The following USH2A variants were observed in gnomAD, a reference collection of about 807,000 sequenced individuals.
USH2A encodes Usher syndrome 2A (autosomal recessive, mild).
Under a neutral mutation model 538.9 loss-of-function variants are expected in USH2A, and 443 were observed. That is an observed-to-expected ratio of 0.82 (90% CI 0.76 to 0.89). The LOEUF (loss-of-function observed/expected upper bound fraction) is 0.89, where lower values mean the gene tolerates loss of function less well. Among genes scored for constraint, USH2A ranks in the 40% least tolerant of loss-of-function variants. The probability of loss-of-function intolerance (pLI) is 0.00; values close to 1 mark genes in which losing one functional copy is unlikely to be tolerated. For synonymous variants in USH2A, 2,413 were observed against 2,273.5 expected, an observed-to-expected ratio of 1.06 and a Z score of -1.75; for missense variants, 6,633 against 6,324.8, an observed-to-expected ratio of 1.05 and a Z score of -1.65.
chr1:216,086,625 G>A, intron 24 of USH2A, 94 bp downstream of exon 24: 2 of 1,079,220 alleles, frequency 1.9e-6, no homozygotes, highest in Non-Finnish European at 2.8e-6. Flanking sequence ...ATAGCATGAG[G>A]TAGAACATAA....
chr1:215,768,623 T>C (rs368475846), intron 55 of USH2A, among the ~76,000 whole-genome samples: 4 of 152,146 alleles, frequency 2.6e-5, no homozygotes, highest in Admixed American at 6.5e-5. Flanking sequence ...AAGCCACATA[T>C]GTTTGATAAA....
intron 3 of USH2A, among the ~76,000 whole-genome samples, chr1:216,376,115 T>G (rs1477755668): frequency 2.6e-5 from 4 of 152,114 alleles, no homozygotes; most frequent in Non-Finnish European, 5.9e-5. Flanking sequence ...ATTGCCAAAA[T>G]GTGAAGCATA....
chr1:216,383,160 C>A (rs1355312704), intron 3 of USH2A, among the ~76,000 whole-genome samples: 2 of 152,046 alleles, frequency 1.3e-5, no homozygotes, highest in Admixed American at 6.5e-5. Context: ...TCTCAGATTT[C>A]TCTTCAGAAA....
chr1:215,970,474 T>A (rs1667465419), intron 36 of USH2A, 151 bp downstream of exon 36: 1 of 920,140 alleles, frequency 1.1e-6, no homozygotes, highest in East Asian at 2.6e-5. Context: ...TCTTAGTAAC[T>A]CTTAAATGAA....
intron 4 of USH2A, among the ~76,000 whole-genome samples, chr1:216,347,823 C>G (rs1386921592): frequency 1.3e-5 from 2 of 152,036 alleles, no homozygotes; most frequent in Non-Finnish European, 2.9e-5. Flanking sequence ...AGTTTAGAGT[C>G]AGCTATAGGA....
chr1:216,316,776 A>T (rs2037517803), intron 9 of USH2A, among the ~76,000 whole-genome samples: 1 of 152,142 alleles, frequency 6.6e-6, no homozygotes, highest in African/African-American at 2.4e-5. Flanking sequence ...TGTTGGCCAC[A>T]CATATGTCTT....
intron 21 of USH2A, among the ~76,000 whole-genome samples, chr1:216,104,517 C>T (rs1302100901): frequency 6.6e-6 from 1 of 152,102 alleles, no homozygotes; most frequent in East Asian, 1.9e-4. Context: ...AATAATGCCA[C>T]ATATGTACAA....
chr1:215,898,858 A>T (rs1206296481), intron 40 of USH2A, among the ~76,000 whole-genome samples: 8 of 152,176 alleles, frequency 5.3e-5, no homozygotes, highest in Non-Finnish European at 1.2e-4. Flanking sequence ...TGGTGAATTA[A>T]TGCTTTCTGG....
At chr1:215,676,032 G>A (rs1050431434) in intron 62 of USH2A, among the ~76,000 whole-genome samples, 4 of 151,956 alleles carry the variant, frequency 2.6e-5, no homozygotes, top group Non-Finnish European at 4.4e-5. Context: ...TACCTTCCAC[G>A]GCATTTGCTG....
At chr1:215,717,992 C>T (rs1300337095) in intron 61 of USH2A, among the ~76,000 whole-genome samples, 1 of 152,088 alleles carries the variant, frequency 6.6e-6, no homozygotes, top group Non-Finnish European at 1.5e-5. Context: ...TATGTGTAGT[C>T]ATTATCAAAA....
At position 216,086,752 on chromosome 1, in the gene USH2A, G is replaced by A; in HGVS notation, c.4954C>T (p.Pro1652Ser). ...DNTGVFLGGLPRSYTILRKDP... is the reference protein window; with the variant it reads ...DNTGVFLGGLSRSYTILRKDP... ...TTCCTGAGGATGGTATAACTTCGCG[G>A]GAGCCCTCCCAGAAAGACTCCTGTG... Residue 1652 changes from proline to serine, a missense_variant, in exon 24 of 72, where the codon CCG (proline) becomes TCG (serine). Pro to Ser is a moderately conservative substitution (Grantham distance 74). Transcript: ENST00000307340. The A allele has an allele frequency of 1.2e-6, 2 of 1,612,858 alleles. No homozygotes were observed. Among genetic ancestry groups the A allele is most frequent in the African/African-American group, 2.7e-5 (2 of 74,914 alleles).
chr1:215,895,657 T>C lies in USH2A; in HGVS notation c.7594+4418A>G, dbSNP rs115359516. Among the ~76,000 whole-genome samples, 877 of 152,300 alleles carry C rather than the reference T, an allele frequency of 5.8e-3. 8 individuals are homozygous for C. The highest frequency in any genetic ancestry group is 0.02 in the African/African-American group (821 of 41,562). On this transcript the variant is annotated intron_variant, in intron 40 of 71. Coordinates refer to ENST00000307340, the MANE Select transcript of USH2A (RefSeq NM_206933.4). ...CAGGCAGTAAGACAATTTCCTTCAT[T>C]GCCCTCTCCTCTGTTCACAGTGCAA...
intron 58 of USH2A, among the ~76,000 whole-genome samples, chr1:215,750,423 T>G (rs1283616439): frequency 6.6e-6 from 1 of 152,098 alleles, no homozygotes; most frequent in Admixed American, 6.6e-5. Context: ...TGCCCCTGAG[T>G]GGGGCTCAGA....
intron 9 of USH2A, among the ~76,000 whole-genome samples, chr1:216,308,010 A>G (rs934511774): frequency 3.3e-5 from 5 of 152,166 alleles, no homozygotes. Context: ...ATGTTGCTGC[A>G]GTAGTTCTTG....
intron 4 of USH2A, among the ~76,000 whole-genome samples, chr1:216,363,645 A>G (rs2038538388): frequency 1.3e-5 from 2 of 152,088 alleles, no homozygotes; most frequent in South Asian, 2.1e-4. Context: ...TATTTTCCAT[A>G]AAATAACTGC....
rs187421053 is a variant in USH2A at position 216,345,692 on chromosome 1, G to T, written c.785-18038C>A. 2.6e-5 allele frequency among the ~76,000 whole-genome samples: 4 copies of T among 152,222 alleles called. No individual in the cohort carries two copies. In the East Asian group the frequency reaches 7.7e-4, roughly 29 times the overall value. ...TTTGTCTTCCTGTATATTTCTGTTA[G>T]AAAGAGGGGTACCTTAGGATAGAAC... On this transcript the variant is annotated intron_variant, in intron 4 of 71. Transcript: ENST00000307340.
At chr1:216,283,299 C>T (rs1165828120) in intron 11 of USH2A, among the ~76,000 whole-genome samples, 1 of 152,112 alleles carries the variant, frequency 6.6e-6, no homozygotes, top group East Asian at 1.9e-4. Flanking sequence ...ACCATGTTAG[C>T]CAGGATGGTC....
chr1:216,096,148 T>G (rs58877005), intron 22 of USH2A, among the ~76,000 whole-genome samples: 6,626 of 152,254 alleles, frequency 0.044, 480 homozygotes, highest in African/African-American at 0.15. Context: ...GAAAAATTCA[T>G]ATCCTCACAT....
chr1:216,175,509 T>TATTAGATTAGAAAAAACCTG (rs1295301656), intron 20 of USH2A, 27 bp from the exon 21 acceptor site: 1 of 1,611,368 alleles, frequency 6.2e-7, no homozygotes, highest in African/African-American at 1.3e-5. Context: ...ACCTGTTATA[T>TATTAGATTAGAAAAAACCTG]TCAAGAATTT....
Sources: allele counts gnomAD v4.1 joint callset (sites outside exome capture counted in the v4.1 genomes callset), GRCh38; gene constraint gnomAD v4.1.1; transcripts MANE v1.5; gene names NCBI Gene and HGNC (gene_info 2026-07-23, HGNC 2026-07-21).